UGT2B15: variants seen among roughly 807,000 people sequenced by gnomAD.
UGT2B15 encodes the protein UDP-glucuronosyltransferase 2B15.
UGT2B15 carries 36 observed loss-of-function variants against 45.9 expected under a neutral mutation model. The ratio of observed to expected loss-of-function variants is 0.78; its 90% CI spans 0.60 to 1.04. The LOEUF is 1.04. Among genes scored for constraint, UGT2B15 ranks in the 50% least tolerant of loss-of-function variants. The probability of loss-of-function intolerance (pLI) is 0.00; values close to 1 mark genes in which losing one functional copy is unlikely to be tolerated. For synonymous variants in UGT2B15, 219 were observed against 216.4 expected, an observed-to-expected ratio of 1.01 and a Z score of -0.11; for missense variants, 617 against 622.4, an observed-to-expected ratio of 0.99 and a Z score of 0.09.
chr4:68,668,287 C>T, intron 1 of UGT2B15, 99 bp from the exon 2 acceptor site: 1 of 1,537,492 alleles, frequency 6.5e-7, no homozygotes, highest in Non-Finnish European at 8.8e-7. Context: ...ATAACATACC[C>T]AAACATATAT....
chr4:68,666,804 T>C (rs1311293836), intron 2 of UGT2B15, among the ~76,000 whole-genome samples: 2 of 149,436 alleles, frequency 1.3e-5, no homozygotes, highest in Non-Finnish European at 3.0e-5. Context: ...TGGAGTGCAA[T>C]AGCGTGATCT....
intron 3 of UGT2B15, among the ~76,000 whole-genome samples, chr4:68,658,385 C>T (rs1186632234): frequency 6.6e-6 from 1 of 151,984 alleles, no homozygotes; most frequent in African/African-American, 2.4e-5. Context: ...GATAACTTTA[C>T]AATTATTGCT....
intron 2 of UGT2B15, among the ~76,000 whole-genome samples, chr4:68,667,488 T>C (rs1164918451): frequency 6.6e-6 from 1 of 152,120 alleles, no homozygotes; most frequent in Non-Finnish European, 1.5e-5. Context: ...TGGTTTTCTT[T>C]TTGGGTGTTT....
intron 3 of UGT2B15, among the ~76,000 whole-genome samples, chr4:68,660,170 A>C (rs1354091559): frequency 6.6e-6 from 1 of 151,636 alleles, no homozygotes; most frequent in African/African-American, 2.4e-5. Context: ...TATTTTATCA[A>C]GGCTTCCACT....
At chr4:68,661,491 A>G (rs900070739) in intron 3 of UGT2B15, among the ~76,000 whole-genome samples, 1 of 151,992 alleles carries the variant, frequency 6.6e-6, no homozygotes, top group African/African-American at 2.4e-5. Context: ...TATTTTATAT[A>G]CTTTATACTA....
At chr4:68,669,767 C>G (rs1045858518) in intron 1 of UGT2B15, 128 bp downstream of exon 1, 7 of 1,325,550 alleles carry the variant, frequency 5.3e-6, no homozygotes, top group Non-Finnish European at 6.2e-6. Context: ...ACTGATAGAT[C>G]ATCTTACATT....
intron 5 of UGT2B15, 39 bp from the exon 6 acceptor site, chr4:68,647,422 A>G: frequency 7.0e-6 from 11 of 1,577,232 alleles, no homozygotes; most frequent in Non-Finnish European, 9.5e-6. Context: ...TTAAAAGTAA[A>G]TTTATTGCTT....
intron 1 of UGT2B15, among the ~76,000 whole-genome samples, chr4:68,669,476 A>G (rs1261888363): frequency 1.3e-5 from 2 of 152,162 alleles, no homozygotes; most frequent in African/African-American, 4.8e-5. Context: ...GAAACTGAGG[A>G]ACTCAAAGAG....
chr4:68,655,225 TAA>T, intron 3 of UGT2B15, 43 bp from the exon 4 acceptor site: 1 of 1,592,994 alleles, frequency 6.3e-7, no homozygotes, highest in South Asian at 1.1e-5. Context: ...AATAGAACTC[TAA>T]AAACATAGCA....
Position 68,656,573 on chromosome 4 carries a change from T to A in UGT2B15, c.1006-1391A>T, listed in dbSNP as rs1487520776. 2.6e-5 allele frequency among the ~76,000 whole-genome samples: 4 copies of A among 152,110 alleles called. 1 individual carries two copies. The highest frequency in any genetic ancestry group is 5.9e-5 in the Non-Finnish European group (4 of 68,000). On this transcript the variant is annotated intron_variant, in intron 3 of 5. Transcript: ENST00000338206. Reference sequence around the variant, plus strand: ...AAAACAAAACAAAACCTAAAAACCATGCTCTTGGTTTCTGTGTTTGCTTCC... The same window carrying A: ...AAAACAAAACAAAACCTAAAAACCAAGCTCTTGGTTTCTGTGTTTGCTTCC...
At chr4:68,665,745 C>A (rs1239480338) in intron 2 of UGT2B15, among the ~76,000 whole-genome samples, 1 of 152,064 alleles carries the variant, frequency 6.6e-6, no homozygotes, top group Non-Finnish European at 1.5e-5. Context: ...TACTTGGATT[C>A]AAGTCTACCT....
chr4:68,648,794 A>G (rs1346130058), intron 5 of UGT2B15, among the ~76,000 whole-genome samples: 12 of 152,070 alleles, frequency 7.9e-5, no homozygotes, highest in Non-Finnish European at 1.6e-4. Flanking sequence ...TATTGTTTAT[A>G]TAATTGAATT....
At chr4:68,662,389 GTT>G (rs563877748) in intron 3 of UGT2B15, among the ~76,000 whole-genome samples, 13 of 144,408 alleles carry the variant, frequency 9.0e-5, no homozygotes, top group African/African-American at 3.3e-4. Flanking sequence ...GAGCAGACAA[GTT>G]TTTTTTTTTT....
chr4:68,654,761 C>T (rs1476322626), intron 4 of UGT2B15, among the ~76,000 whole-genome samples: 1 of 151,744 alleles, frequency 6.6e-6, no homozygotes, highest in African/African-American at 2.4e-5. Context: ...GTTGAAATAA[C>T]CCTGCAGTAG....
chr4:68,656,665 G>A (rs1175135423), intron 3 of UGT2B15, among the ~76,000 whole-genome samples: 2 of 152,090 alleles, frequency 1.3e-5, no homozygotes, highest in East Asian at 1.9e-4. Context: ...TTTGCCTTTT[G>A]CCATTTGCAG....
chr4:68,657,250 C>A (rs754998252), intron 3 of UGT2B15, among the ~76,000 whole-genome samples: 19 of 152,094 alleles, frequency 1.2e-4, no homozygotes, highest in Non-Finnish European at 2.2e-4. Flanking sequence ...GGGGTTGACC[C>A]CCTGTGACAT....
At chr4:68,664,453 A>T (rs1340799739) in intron 2 of UGT2B15, among the ~76,000 whole-genome samples, 1 of 152,052 alleles carries the variant, frequency 6.6e-6, no homozygotes, top group Non-Finnish European at 1.5e-5. Flanking sequence ...GGTCCTAATC[A>T]TTGGGGGAAA....
At chr4:68,648,882 C>T (rs1732565734) in intron 5 of UGT2B15, among the ~76,000 whole-genome samples, 1 of 152,006 alleles carries the variant, frequency 6.6e-6, no homozygotes, top group Non-Finnish European at 1.5e-5. Flanking sequence ...AGTTGATTGA[C>T]AAAGACCACA....
intron 1 of UGT2B15, 88 bp downstream of exon 1, chr4:68,669,807 A>G: frequency 2.7e-6 from 4 of 1,488,606 alleles, no homozygotes; most frequent in Non-Finnish European, 3.6e-6. Flanking sequence ...TAAAAACACT[A>G]TCTTCTGACA....
Sources: gnomAD v4.1 joint callset for allele counts (sites outside exome capture counted in the v4.1 genomes callset) on GRCh38, gnomAD v4.1.1 for gene constraint, MANE v1.5 for transcripts, NCBI Gene and HGNC (gene_info 2026-07-23, HGNC 2026-07-21) for gene names.